Variants in PTPRN2 observed in about 807,000 individuals in gnomAD.
The protein encoded by PTPRN2 is receptor-type tyrosine-protein phosphatase N2.
In PTPRN2, 74 loss-of-function variants were observed where a neutral mutation model predicts 118.8. That is an observed-to-expected ratio of 0.62 (90% CI 0.52 to 0.76). The LOEUF (loss-of-function observed/expected upper bound fraction) is 0.76, where lower values mean the gene tolerates loss of function less well. Ranked by LOEUF, PTPRN2 falls within the 30% of genes least tolerant of loss-of-function variation. PTPRN2 has a pLI of 0.00. For synonymous variants in PTPRN2, 641 were observed against 608.0 expected, an observed-to-expected ratio of 1.05 and a Z score of -0.80; for missense variants, 1,481 against 1,394.4, an observed-to-expected ratio of 1.06 and a Z score of -0.99.
chr7:158,241,215 A>G (rs1303637692), intron 3 of PTPRN2, among the ~76,000 whole-genome samples: 11 of 152,208 alleles, frequency 7.2e-5, no homozygotes, highest in Admixed American at 7.2e-4. Context: ...ACGGACTTTA[A>G]TTAGAATCCT....
chr7:158,206,659 G>A (rs1224703293), intron 3 of PTPRN2, among the ~76,000 whole-genome samples: 1 of 152,084 alleles, frequency 6.6e-6, no homozygotes, highest in African/African-American at 2.4e-5. Context: ...CTTCTAGATT[G>A]TATCCAAGAC....
At chr7:158,336,199 AAT>A in intron 2 of PTPRN2, among the ~76,000 whole-genome samples, 1 of 51,142 alleles carries the variant, frequency 2.0e-5, no homozygotes, top group East Asian at 5.1e-4. Flanking sequence ...TCACACCCAC[AAT>A]CTCACCATAA....
intron 1 of PTPRN2, among the ~76,000 whole-genome samples, chr7:158,536,302 T>C (rs1415323881): frequency 2.6e-5 from 4 of 152,218 alleles, no homozygotes; most frequent in Non-Finnish European, 5.9e-5. Context: ...CCTGGTTTCA[T>C]AAACTTGATG....
At chr7:157,576,935 G>A (rs1479301502) in intron 18 of PTPRN2, among the ~76,000 whole-genome samples, 156 bp from the exon 19 acceptor site, 2 of 152,200 alleles carry the variant, frequency 1.3e-5, no homozygotes, top group African/African-American at 2.4e-5. Context: ...TCGGCTTCGC[G>A]GCCCCCTCCC....
At chr7:158,116,008 C>T (rs747696752) in intron 9 of PTPRN2, among the ~76,000 whole-genome samples, 7 of 152,274 alleles carry the variant, frequency 4.6e-5, no homozygotes, top group African/African-American at 9.6e-5. Context: ...AAGACAGGCC[C>T]GCTCTGCACA....
chr7:157,860,560 A>G (rs1810156475), intron 12 of PTPRN2, among the ~76,000 whole-genome samples: 1 of 152,266 alleles, frequency 6.6e-6, no homozygotes, highest in Non-Finnish European at 1.5e-5. Flanking sequence ...CCACATATCT[A>G]ATTGAGTGCT....
chr7:157,885,708 T>G (rs1796414437), intron 12 of PTPRN2, among the ~76,000 whole-genome samples: 2 of 152,228 alleles, frequency 1.3e-5, no homozygotes, highest in Non-Finnish European at 2.9e-5. Flanking sequence ...GTGCTATAGA[T>G]GTAGCTAAGG....
rs1796255 is a variant in PTPRN2 at position 157,764,331 on chromosome 7, C to A, written c.1789-81394G>T. On this transcript the variant is annotated intron_variant, in intron 12 of 22. Transcript: ENST00000389418. The surrounding 1 kb of genome is among the most constrained non-coding windows in gnomAD (Gnocchi z 4.5). Reference sequence around the variant, plus strand: ...AAGCCAAGAGGTGAGGCCACCCAAGCGTCCACCAATGGAAGAAAAGATAAA... The same window carrying A: ...AAGCCAAGAGGTGAGGCCACCCAAGAGTCCACCAATGGAAGAAAAGATAAA... Among the ~76,000 whole-genome samples the A allele has an allele frequency of 6.6e-6, 1 of 152,028 alleles. No homozygotes were observed. The highest frequency in any genetic ancestry group is 1.5e-5 in the Non-Finnish European group (1 of 68,008).
intron 12 of PTPRN2, among the ~76,000 whole-genome samples, chr7:157,719,872 T>C (rs1799137577): frequency 6.6e-6 from 1 of 152,240 alleles, no homozygotes; most frequent in Non-Finnish European, 1.5e-5. Context: ...GAAGCTAGCA[T>C]GTTCATTAAT....
chr7:158,026,402 G>A (rs974201456), intron 11 of PTPRN2, among the ~76,000 whole-genome samples: 1 of 152,206 alleles, frequency 6.6e-6, no homozygotes, highest in Non-Finnish European at 1.5e-5. Context: ...AGGTCCACTG[G>A]CCGAGGACGG....
At position 157,691,073 on chromosome 7, in the gene PTPRN2, C is replaced by T. The variant is rs992018826; in HGVS notation, c.1789-8136G>A. Reference sequence around the variant, plus strand: ...ACCGGTTGCTATAGCGATGTCCCCCCCCCCCCCCACATGTTGCTGACAGCA... The same window carrying T: ...ACCGGTTGCTATAGCGATGTCCCCCTCCCCCCCCACATGTTGCTGACAGCA... On this transcript the variant is annotated intron_variant, in intron 12 of 22. Transcript: ENST00000389418. Among the ~76,000 whole-genome samples, 5 of 113,988 alleles carry T rather than the reference C, an allele frequency of 4.4e-5. 1 individual carries two copies. Among genetic ancestry groups the T allele is most frequent in the Non-Finnish European group, 8.4e-5 (4 of 47,708 alleles). 74.8% of individuals were successfully genotyped at this position (113,988 alleles called of 152,430 possible).
Position 157,890,038 on chromosome 7 carries a change from T to C in PTPRN2, c.1788+8635A>G, listed in dbSNP as rs184042729. ...ATTTGATTTATTTGATTGTTAATGA[T>C]GAGTTACCTTGCTATAGTTTTATAT... On this transcript the variant is annotated intron_variant, in intron 12 of 22. Transcript: ENST00000389418. Among the ~76,000 whole-genome samples the C allele has an allele frequency of 3.3e-5, 5 of 152,332 alleles. No homozygotes were observed. The East Asian group carries it at 9.6e-4, about 29-fold the overall frequency.
At chr7:157,976,906 C>G (rs965868865) in intron 11 of PTPRN2, among the ~76,000 whole-genome samples, 4 of 151,818 alleles carry the variant, frequency 2.6e-5, no homozygotes, top group Admixed American at 6.6e-5. Flanking sequence ...CCCAAATCGT[C>G]AAAGCCAGGC....
At chr7:157,851,347 C>A (rs1303245932) in intron 12 of PTPRN2, among the ~76,000 whole-genome samples, 1 of 152,150 alleles carries the variant, frequency 6.6e-6, no homozygotes, top group Non-Finnish European at 1.5e-5. Context: ...TTTGAACATT[C>A]ATACAAATAT....
chr7:157,778,987 A>T (rs1016415278), intron 12 of PTPRN2, among the ~76,000 whole-genome samples: 1 of 152,240 alleles, frequency 6.6e-6, no homozygotes, highest in African/African-American at 2.4e-5. Flanking sequence ...TTTATGCTGG[A>T]AACGGGCCAC....
chr7:158,371,723 G>A (rs536603004), intron 2 of PTPRN2, among the ~76,000 whole-genome samples: 3 of 152,250 alleles, frequency 2.0e-5, no homozygotes, highest in South Asian at 4.1e-4. Context: ...GCGGAAAACC[G>A]TTCGTTTTCA....
Position 157,619,742 on chromosome 7 carries a change from A to T in PTPRN2, c.2344+1620T>A, listed in dbSNP as rs888538576. Reference sequence around the variant, plus strand: ...CCCAGGTTAGTTTCTGAAGCAAAACAAGATTCCAGCTTCTCACTGTTCTGA... The same window carrying T: ...CCCAGGTTAGTTTCTGAAGCAAAACTAGATTCCAGCTTCTCACTGTTCTGA... On this transcript the variant is annotated intron_variant, in intron 15 of 22. Transcript: ENST00000389418. The surrounding 1 kb of genome is among the most constrained non-coding windows in gnomAD (Gnocchi z 5.3). Among the ~76,000 whole-genome samples the T allele has an allele frequency of 1.3e-5, 2 of 152,192 alleles. No homozygotes were observed. The highest frequency in any genetic ancestry group is 2.9e-5 in the Non-Finnish European group (2 of 68,024).
chr7:158,102,144 A>T (rs536230258), intron 10 of PTPRN2, among the ~76,000 whole-genome samples: 1 of 152,278 alleles, frequency 6.6e-6, no homozygotes, highest in South Asian at 2.1e-4. Context: ...CCCTGGAGCC[A>T]TGATGCTAAC....
At chr7:158,073,573 T>C (rs1812107156) in intron 11 of PTPRN2, among the ~76,000 whole-genome samples, 1 of 152,194 alleles carries the variant, frequency 6.6e-6, no homozygotes, top group Non-Finnish European at 1.5e-5. Context: ...ACCCTTTCTA[T>C]GCGGAGATGA....
Sources: gnomAD v4.1 joint callset for allele counts (sites outside exome capture counted in the v4.1 genomes callset) on GRCh38, gnomAD v4.1.1 for gene constraint, Gnocchi (gnomAD v3.1) non-coding constraint, MANE v1.5 for transcripts, NCBI Gene and HGNC (gene_info 2026-07-23, HGNC 2026-07-21) for gene names.